Variants in FBXL4 observed in about 807,000 individuals in gnomAD.
FBXL4 encodes F-box and leucine rich repeat protein 4.
FBXL4 carries 40 observed loss-of-function variants against 58.9 expected under a neutral mutation model. That is an observed-to-expected ratio of 0.68 (90% confidence interval 0.53 to 0.88). The LOEUF (loss-of-function observed/expected upper bound fraction) is 0.88, where lower values mean the gene tolerates loss of function less well. Among genes scored for constraint, FBXL4 ranks in the 40% least tolerant of loss-of-function variants. The pLI, the probability that FBXL4 is intolerant of heterozygous loss-of-function variation, is 0.00. For missense variants in FBXL4, 676 were observed against 734.4 expected (o/e 0.92, Z 0.92); for synonymous variants, 263 against 265.5 (o/e 0.99, Z 0.09).
chr6:98,916,112 A>G (rs1325294405), intron 5 of FBXL4, among the ~76,000 whole-genome samples: 4 of 152,020 alleles, frequency 2.6e-5, no homozygotes, highest in African/African-American at 9.7e-5. Flanking sequence ...CAAAACCACA[A>G]TGAGATACCA....
chr6:98,923,868 T>C (rs191402696), intron 4 of FBXL4, among the ~76,000 whole-genome samples: 12 of 152,312 alleles, frequency 7.9e-5, no homozygotes, highest in Non-Finnish European at 1.5e-5. Flanking sequence ...TGGTATTTTC[T>C]AGATTATTTT....
At chr6:98,915,400 T>C (rs377083246) in intron 5 of FBXL4, among the ~76,000 whole-genome samples, 116 of 152,124 alleles carry the variant, frequency 7.6e-4, no homozygotes, top group African/African-American at 2.4e-3. Flanking sequence ...GGAGGCATCA[T>C]GCTACCTGAC....
At position 98,947,862 on chromosome 6, in the gene FBXL4, G is replaced by T. The variant is rs1265428339; in HGVS notation, c.-365C>A. The T allele has an allele frequency of 6.6e-6, 1 of 152,024 alleles. No homozygotes were observed. The highest frequency in any genetic ancestry group is 1.5e-5 in the Non-Finnish European group (1 of 68,048). The allele number at this position is 152,024 out of a possible 1,614,324, so 9.4% of individuals were successfully genotyped here. On this transcript the variant is annotated 5_prime_UTR_variant, in exon 1 of 10. Transcript: ENST00000369244. ...GGCTTCACCAGCGACCAGGCAGCGC[G>T]AGAAGGCCTGGGTGCGGGGGCGGCT...
chr6:98,930,818 T>G (rs898835026), intron 2 of FBXL4, among the ~76,000 whole-genome samples: 2 of 152,214 alleles, frequency 1.3e-5, no homozygotes, highest in Non-Finnish European at 2.9e-5. Flanking sequence ...GTACAAATCT[T>G]TCTTTTACCA....
chr6:98,918,248 C>G (rs1294763620), intron 4 of FBXL4, among the ~76,000 whole-genome samples: 1 of 152,118 alleles, frequency 6.6e-6, no homozygotes, highest in Non-Finnish European at 1.5e-5. Context: ...CTTGTATATG[C>G]CCTTCTCCTG....
At chr6:98,937,831 T>C (rs1773280174) in intron 1 of FBXL4, among the ~76,000 whole-genome samples, 2 of 152,206 alleles carry the variant, frequency 1.3e-5, no homozygotes, top group African/African-American at 4.8e-5. Context: ...CTGTCCAGAA[T>C]AATTGGAACT....
At chr6:98,877,031 G>C (rs978100962) in intron 8 of FBXL4, among the ~76,000 whole-genome samples, 4 of 152,192 alleles carry the variant, frequency 2.6e-5, no homozygotes, top group Non-Finnish European at 5.9e-5. Context: ...GCTCATTGAA[G>C]AGGTCTGCAA....
chr6:98,884,007 C>T (rs1770942750), intron 7 of FBXL4, among the ~76,000 whole-genome samples: 1 of 151,754 alleles, frequency 6.6e-6, no homozygotes, highest in African/African-American at 2.4e-5. Flanking sequence ...AGCATTTTAT[C>T]AATTTCTGTG....
chr6:98,939,952 T>C (rs1037280022), intron 1 of FBXL4, among the ~76,000 whole-genome samples: 1 of 152,246 alleles, frequency 6.6e-6, no homozygotes, highest in African/African-American at 2.4e-5. Flanking sequence ...GAGGTGATCA[T>C]CAAATTATTA....
At chr6:98,917,262 T>C (rs903490440) in intron 5 of FBXL4, 112 bp downstream of exon 5, 1 of 684,094 alleles carries the variant, frequency 1.5e-6, no homozygotes, top group Non-Finnish European at 2.2e-6. Flanking sequence ...ACACATCAAA[T>C]TATATATAAC....
rs922327790 is a variant in FBXL4 at position 98,884,477 on chromosome 6, C to A, written c.1318-3853G>T. On this transcript the variant is annotated intron_variant, in intron 7 of 9. Coordinates refer to ENST00000369244, the MANE Select transcript of FBXL4 (RefSeq NM_001278716.2). Reference sequence around the variant, plus strand: ...CTAGAACGAAAGTTTAGCTAGACTTCGAATTTTCAGATGACAGTTACCTTC... The same window carrying A: ...CTAGAACGAAAGTTTAGCTAGACTTAGAATTTTCAGATGACAGTTACCTTC... 3.3e-5 allele frequency among the ~76,000 whole-genome samples: 5 copies of A among 152,036 alleles called. No homozygotes were observed. The South Asian group carries it at 1.0e-3, about 32-fold the overall frequency.
intron 6 of FBXL4, among the ~76,000 whole-genome samples, chr6:98,901,163 G>A (rs1267605951): frequency 6.6e-6 from 1 of 152,022 alleles, no homozygotes; most frequent in Non-Finnish European, 1.5e-5. Context: ...GTGCCCAGGA[G>A]GAAATAAAAG....
chr6:98,912,933 T>C (rs899712982), intron 5 of FBXL4, among the ~76,000 whole-genome samples: 1 of 151,698 alleles, frequency 6.6e-6, no homozygotes, highest in African/African-American at 2.4e-5. Flanking sequence ...AGGAAACCCA[T>C]CTCACGTGCA....
In FBXL4 at chr6:98,871,694, C is replaced by A. The variant is rs761916564; in HGVS notation, c.*2584G>T. 5.9e-5 allele frequency: 9 copies of A among 152,176 alleles called. No individual in the cohort carries two copies. The highest frequency in any genetic ancestry group is 1.7e-4 in the African/African-American group (7 of 41,446). 9.4% of individuals were successfully genotyped at this position (152,176 alleles called of 1,614,324 possible). The stretch of plus-strand genomic sequence containing the variant: ...ATATATTTGATTCAATTTTGTATTA[C>A]TGAACTACTGGTAGCAATGGTGAAC... On this transcript the variant is annotated 3_prime_UTR_variant, in exon 10 of 10. Coordinates refer to ENST00000369244, the MANE Select transcript of FBXL4 (RefSeq NM_001278716.2).
At chr6:98,894,090 C>T (rs1226107913) in intron 7 of FBXL4, among the ~76,000 whole-genome samples, 5 of 152,252 alleles carry the variant, frequency 3.3e-5, no homozygotes, top group Non-Finnish European at 7.4e-5. Context: ...TGGTCTTGAA[C>T]TCCTGATCTC....
chr6:98,906,016 C>A (rs888992197), intron 5 of FBXL4, among the ~76,000 whole-genome samples: 2 of 151,926 alleles, frequency 1.3e-5, no homozygotes, highest in African/African-American at 4.8e-5. Flanking sequence ...AGAAAGAGTG[C>A]CCATTCTCAG....
Position 98,880,668 on chromosome 6 carries a change from G to A in FBXL4, c.1318-44C>T, listed in dbSNP as rs748018239. 3.9e-6 allele frequency: 6 copies of A among 1,528,734 alleles called. No homozygotes were observed. In the Admixed American group the frequency reaches 1.0e-4, roughly 26 times the overall value. The allele number at this position is 1,528,734 out of a possible 1,614,324, so 94.7% of individuals were successfully genotyped here. On this transcript the variant is annotated intron_variant, in intron 7 of 9. Coordinates refer to ENST00000369244, the MANE Select transcript of FBXL4 (RefSeq NM_001278716.2). ...TCAGAGGCAAATATGGAAAGTGAAT[G>A]AAAGTGAAACAAAGAGAAGAGGTCA...
At chr6:98,933,314 A>G in intron 2 of FBXL4, among the ~76,000 whole-genome samples, 1 of 152,268 alleles carries the variant, frequency 6.6e-6, no homozygotes, top group Admixed American at 6.5e-5. Flanking sequence ...ACACAGAGGT[A>G]CCATTAAAGG....
At position 98,914,506 on chromosome 6, in the gene FBXL4, G is replaced by A. The variant is rs1439718122; in HGVS notation, c.858+2868C>T. On this transcript the variant is annotated intron_variant, in intron 5 of 9. Transcript: ENST00000369244. ...GGCTTCACCTCTGGGATGCAAGGCT[G>A]GTTCAATATACGCAAATCAATAAAT... Among the ~76,000 whole-genome samples the A allele has an allele frequency of 3.3e-5, 5 of 152,264 alleles. 1 individual carries two copies. Among genetic ancestry groups the A allele is most frequent in the African/African-American group, 1.2e-4 (5 of 41,548 alleles).
Sources: allele counts gnomAD v4.1 joint callset (sites outside exome capture counted in the v4.1 genomes callset), GRCh38; gene constraint gnomAD v4.1.1; transcripts MANE v1.5; gene names NCBI Gene and HGNC (gene_info 2026-07-23, HGNC 2026-07-21).